Variants in PGM5 observed in about 807,000 individuals in gnomAD.
PGM5 encodes phosphoglucomutase-like protein 5.
A neutral mutation model predicts 59.2 loss-of-function variants in PGM5; 23 were observed. The ratio of observed to expected loss-of-function variants is 0.39; its 90% CI spans 0.28 to 0.55. The LOEUF is 0.55. Among genes scored for constraint, PGM5 ranks in the 20% least tolerant of loss-of-function variants. PGM5 has a pLI of 0.66. For synonymous variants in PGM5, 214 were observed against 286.0 expected (o/e 0.75, Z 2.54); for missense variants, 574 against 748.3 (o/e 0.77, Z 2.72).
At position 68,499,325 on chromosome 9, in the gene PGM5, C is replaced by T. The variant is rs782117233; in HGVS notation, c.1578C>T (p.Tyr526=). 42 of 1,613,938 alleles carry T rather than the reference C, an allele frequency of 2.6e-5. No individual in the cohort carries two copies. The highest frequency in any genetic ancestry group is 3.5e-5 in the Non-Finnish European group (41 of 1,179,986). The change falls in exon 10 of 11, where the codon TAC becomes TAT. Residue 526 remains tyrosine (Y), a synonymous_variant. Transcript: ENST00000396396. The stretch of plus-strand genomic sequence containing the variant: ...CCCTCAGACTGTACGCAGAGAGCTA[C>T]GAGAGGGATCCCAGCGGCCATGACC... ...RATLRLYAES[Y]ERDPSGHDQE...
intron 9 of PGM5, 175 bp from the exon 10 acceptor site, chr9:68,499,052 C>T (rs1459726334): frequency 4.5e-6 from 3 of 664,730 alleles, no homozygotes; most frequent in Non-Finnish European, 7.7e-6. Context: ...AAATGGGTAA[C>T]TCTAAGTAGG....
intron 10 of PGM5, among the ~76,000 whole-genome samples, chr9:68,513,119 G>A (rs1020420826): frequency 5.3e-5 from 8 of 152,190 alleles, no homozygotes; most frequent in Non-Finnish European, 8.8e-5. Flanking sequence ...GTATCAACAT[G>A]AGTTTGGGTA....
At chr9:68,462,728 C>T (rs552072539) in intron 6 of PGM5, among the ~76,000 whole-genome samples, 55 of 152,098 alleles carry the variant, frequency 3.6e-4, no homozygotes, top group East Asian at 2.5e-3. Context: ...CCCCATGTTG[C>T]GCATTTTATT....
At chr9:68,500,292 T>TTTTTG (rs1163318834) in intron 10 of PGM5, among the ~76,000 whole-genome samples, 30 of 152,242 alleles carry the variant, frequency 2.0e-4, no homozygotes, top group East Asian at 1.9e-3. Flanking sequence ...TTTAGGGGTT[T>TTTTTG]TTTTGTTTTG....
intron 7 of PGM5, among the ~76,000 whole-genome samples, chr9:68,467,072 G>A (rs1298351223): frequency 1.3e-5 from 2 of 152,198 alleles, no homozygotes; most frequent in African/African-American, 4.8e-5. Context: ...TGGGGGAGCA[G>A]AAGGGCTTCA....
At chr9:68,528,306 G>T (rs1226558175) in intron 10 of PGM5, among the ~76,000 whole-genome samples, 1 of 152,108 alleles carries the variant, frequency 6.6e-6, no homozygotes, top group African/African-American at 2.4e-5. Context: ...ATGCAGTTAT[G>T]CAATCATAGT....
chr9:68,405,109 G>A (rs1261661144), intron 6 of PGM5: 2 of 152,172 alleles, frequency 1.3e-5, no homozygotes, highest in African/African-American at 2.4e-5. Flanking sequence ...GGAAGACAAA[G>A]CTTTTCTTTC....
At chr9:68,477,770 G>T (rs1824129578) in intron 7 of PGM5, among the ~76,000 whole-genome samples, 1 of 152,158 alleles carries the variant, frequency 6.6e-6, no homozygotes, top group Non-Finnish European at 1.5e-5. Flanking sequence ...TGAACATCTG[G>T]GCATATTTAG....
chr9:68,411,289 C>G (rs553157773), intron 6 of PGM5, among the ~76,000 whole-genome samples: 15 of 152,054 alleles, frequency 9.9e-5, no homozygotes, highest in African/African-American at 3.4e-4. Flanking sequence ...ACCCCAGAGG[C>G]TGAGGCTGGA....
intron 10 of PGM5, among the ~76,000 whole-genome samples, chr9:68,525,165 A>T (rs1178931981): frequency 6.7e-6 from 1 of 149,168 alleles, no homozygotes; most frequent in Non-Finnish European, 1.5e-5. Flanking sequence ...CTAAAGAAAA[A>T]CATGAGTAAA....
rs150557274 is a variant in PGM5, at chr9:68,446,028, T to C, written c.1044-19065T>C. On this transcript the variant is annotated intron_variant, in intron 6 of 10. Transcript: ENST00000396396. ...TTTCCCTGTCCACTACCTTGTATGA[T>C]GCTCCATTAAAATGTAGCATGGATG... Among the ~76,000 whole-genome samples the C allele has an allele frequency of 2.0e-3, 304 of 152,350 alleles. 3 individuals carry two copies. Among genetic ancestry groups the C allele is most frequent in the African/African-American group, 6.6e-3 (273 of 41,580 alleles).
intron 6 of PGM5, among the ~76,000 whole-genome samples, chr9:68,425,845 C>G (rs782435000): frequency 6.6e-6 from 1 of 151,858 alleles, no homozygotes; most frequent in Non-Finnish European, 1.5e-5. Context: ...TAAGAGATGC[C>G]CAAAGTGGTT....
chr9:68,522,637 T>C (rs1158967910), intron 10 of PGM5, among the ~76,000 whole-genome samples: 1 of 152,248 alleles, frequency 6.6e-6, no homozygotes, highest in Non-Finnish European at 1.5e-5. Context: ...GTGTTTATCT[T>C]ATTAATTGTG....
intron 1 of PGM5, among the ~76,000 whole-genome samples, chr9:68,361,720 G>C (rs1834583591): frequency 6.6e-6 from 1 of 152,146 alleles, no homozygotes; most frequent in Admixed American, 6.6e-5. Context: ...ACCGCCTAAA[G>C]GCCCCACCTT....
At chr9:68,408,434 T>A (rs1822861376) in intron 6 of PGM5, among the ~76,000 whole-genome samples, 1 of 152,236 alleles carries the variant, frequency 6.6e-6, no homozygotes, top group South Asian at 2.1e-4. Context: ...TGTTTTTTTC[T>A]TGTAAATTTG....
At chr9:68,420,359 G>A (rs1823107389) in intron 6 of PGM5, among the ~76,000 whole-genome samples, 1 of 152,086 alleles carries the variant, frequency 6.6e-6, no homozygotes, top group African/African-American at 2.4e-5. Flanking sequence ...TGACCCCTTT[G>A]AATTCATGAA....
intron 6 of PGM5, among the ~76,000 whole-genome samples, chr9:68,408,285 G>C (rs1554681312): frequency 6.6e-6 from 1 of 152,242 alleles, no homozygotes; most frequent in Non-Finnish European, 1.5e-5. Flanking sequence ...CTGGGGTGTG[G>C]CTGCAGGTAG....
intron 7 of PGM5, among the ~76,000 whole-genome samples, chr9:68,472,925 C>T (rs1824044887): frequency 6.6e-6 from 1 of 152,208 alleles, no homozygotes; most frequent in Admixed American, 6.5e-5. Flanking sequence ...CTGGCTCTGA[C>T]TTACATGCAG....
chr9:68,434,542 C>G (rs1404787991), intron 6 of PGM5, among the ~76,000 whole-genome samples: 4 of 151,926 alleles, frequency 2.6e-5, no homozygotes, highest in African/African-American at 9.7e-5. Flanking sequence ...TGCGGTGGCT[C>G]ACGCTTCTAA....
Sources: gnomAD v4.1 joint callset for allele counts (sites outside exome capture counted in the v4.1 genomes callset) on GRCh38, gnomAD v4.1.1 for gene constraint, MANE v1.5 for transcripts, NCBI Gene and HGNC (gene_info 2026-07-23, HGNC 2026-07-21) for gene names.